The following PLEKHG1 variants were observed in gnomAD, a reference collection of about 807,000 sequenced individuals.
The protein encoded by PLEKHG1 is pleckstrin homology and RhoGEF domain containing G1, also known as pleckstrin homology domain-containing family G member 1.
PLEKHG1 carries 44 observed loss-of-function variants against 100.8 expected under a neutral mutation model. The observed-to-expected ratio is 0.44, with a 90% CI of 0.34 to 0.56. The LOEUF (loss-of-function observed/expected upper bound fraction) is 0.56. Among genes scored for constraint, PLEKHG1 ranks in the 20% least tolerant of loss-of-function variants. The probability of loss-of-function intolerance (pLI) is 0.01; values close to 1 mark genes in which losing one functional copy is unlikely to be tolerated. For synonymous variants in PLEKHG1, 640 were observed against 662.5 expected, an observed-to-expected ratio of 0.97 and a Z score of 0.52; for missense variants, 1,545 against 1,720.9, an observed-to-expected ratio of 0.90 and a Z score of 1.81.
chr6:150,757,705 C>T (rs774112601), intron 2 of PLEKHG1, among the ~76,000 whole-genome samples: 1 of 152,164 alleles, frequency 6.6e-6, no homozygotes, highest in Non-Finnish European at 1.5e-5. Context: ...TCTTCTTCTT[C>T]AACATTTAAG....
In PLEKHG1 at chr6:150,709,942, C is replaced by T. The variant is rs969659283; in HGVS notation, c.-98-23642C>T. ...CTGGGACCACAGGCACATGCCACTA[C>T]ACCCAGCTAATTTTTTTTATTTTTT... is the stretch of plus-strand genomic sequence containing the variant. On this transcript the variant is annotated intron_variant, in intron 3 of 3. Coordinates refer to the PLEKHG1 transcript ENST00000367326. Among the ~76,000 whole-genome samples, 18 of 149,216 alleles carry T rather than the reference C, an allele frequency of 1.2e-4. No homozygotes were observed. In the East Asian group the frequency reaches 1.7e-3, roughly 14 times the overall value.
At position 150,831,747 on chromosome 6, in the gene PLEKHG1, A is replaced by T; in HGVS notation, c.2636A>T (p.Glu879Val). 6.2e-7 allele frequency: 1 copy of T among 1,613,648 alleles called. No individual in the cohort carries two copies. Among genetic ancestry groups the T allele is most frequent in the Non-Finnish European group, 8.5e-7 (1 of 1,180,030 alleles). Reference sequence around the variant, plus strand: ...AGGCTGCACGCAGAGAGCACCCCTGAGCTGAGCCGGGACGTGGGGCGCTCT... The same window carrying T: ...AGGCTGCACGCAGAGAGCACCCCTGTGCTGAGCCGGGACGTGGGGCGCTCT... The change falls in exon 15 of 16, where the codon GAG becomes GTG. Residue 879 changes from glutamate (E) to valine (V), a missense_variant. By Grantham distance (121) the Glu-to-Val change is moderately radical (BLOSUM62 -2). Coordinates refer to ENST00000358517, the Ensembl canonical transcript of PLEKHG1. The surrounding 1 kb of genome is among the most constrained non-coding windows in gnomAD (Gnocchi z 4.1).
At chr6:150,621,272 A>G (rs1478079332) in intron 1 of PLEKHG1, among the ~76,000 whole-genome samples, 2 of 152,152 alleles carry the variant, frequency 1.3e-5, no homozygotes, top group Non-Finnish European at 2.9e-5. Flanking sequence ...TTGCTTTGCT[A>G]GGAGATAATA....
intron 1 of PLEKHG1, among the ~76,000 whole-genome samples, chr6:150,613,285 C>A (rs1258311502): frequency 1.3e-5 from 2 of 152,214 alleles, no homozygotes; most frequent in East Asian, 3.8e-4. Flanking sequence ...TTATAACATG[C>A]AAACGCCTGC....
intron 3 of PLEKHG1, among the ~76,000 whole-genome samples, chr6:150,769,034 G>A (rs1485720391): frequency 6.6e-6 from 1 of 152,090 alleles, no homozygotes; most frequent in African/African-American, 2.4e-5. Context: ...CCAAGAATAT[G>A]TACTTGCTTA....
At chr6:150,806,576 T>C (rs150254131) in intron 7 of PLEKHG1, among the ~76,000 whole-genome samples, 6,784 of 150,750 alleles carry the variant, frequency 0.045, 234 homozygotes, top group African/African-American at 0.096. Context: ...ATCCCAGCTG[T>C]TTGGGAGGCT....
intron 15 of PLEKHG1, among the ~76,000 whole-genome samples, chr6:150,836,700 A>G (rs1361948721): frequency 4.0e-5 from 6 of 151,768 alleles, no homozygotes; most frequent in Non-Finnish European, 8.8e-5. Flanking sequence ...GCTCATGCCT[A>G]TAGTCCCAGG....
intron 3 of PLEKHG1, among the ~76,000 whole-genome samples, chr6:150,776,254 A>G (rs1298834302): frequency 2.6e-5 from 4 of 152,292 alleles, no homozygotes; most frequent in Non-Finnish European, 5.9e-5. Flanking sequence ...AAAATACTCA[A>G]GGAAACGAGA....
intron 15 of PLEKHG1, among the ~76,000 whole-genome samples, chr6:150,837,238 CAT>C (rs1491289640): frequency 1.3e-5 from 2 of 149,990 alleles, no homozygotes; most frequent in African/African-American, 2.5e-5. Context: ...TGTGTGTCTG[CAT>C]GTGTGTGTGT....
chr6:150,793,534 G>T (rs1210294625), intron 4 of PLEKHG1, among the ~76,000 whole-genome samples: 2 of 152,154 alleles, frequency 1.3e-5, no homozygotes, highest in Non-Finnish European at 2.9e-5. Flanking sequence ...AAGGAATAAA[G>T]TATTAGAAAT....
intron 1 of PLEKHG1, among the ~76,000 whole-genome samples, chr6:150,623,642 C>G (rs952948256): frequency 1.3e-5 from 2 of 152,238 alleles, no homozygotes; most frequent in Admixed American, 6.5e-5. Flanking sequence ...TCAGGCCCCC[C>G]ACGTGTGCAC....
intron 10 of PLEKHG1, among the ~76,000 whole-genome samples, chr6:150,810,951 G>T (rs1787489665): frequency 6.6e-6 from 1 of 151,956 alleles, no homozygotes; most frequent in Non-Finnish European, 1.5e-5. Flanking sequence ...CACATGAATT[G>T]CAGGCTCTGT....
At chr6:150,708,920 G>A (rs1361779735) in intron 3 of PLEKHG1, among the ~76,000 whole-genome samples, 1 of 152,190 alleles carries the variant, frequency 6.6e-6, no homozygotes, top group Non-Finnish European at 1.5e-5. Context: ...TCAGTGAACA[G>A]GTAAAAAGCA....
At chr6:150,637,169 C>T (rs1231152257) in intron 1 of PLEKHG1, among the ~76,000 whole-genome samples, 1 of 152,120 alleles carries the variant, frequency 6.6e-6, no homozygotes, top group Non-Finnish European at 1.5e-5. Context: ...TTTGTTTTGT[C>T]TCTGAGTGGC....
Position 150,831,503 on chromosome 6 carries a change from C to T in PLEKHG1, c.2392C>T (p.Pro798Ser). ...CCTCCAGCTCAGTGAGGACGAAGCCCCTTACCATCAGGCCACTCCCGATCA... is the reference window on the plus strand; with the variant it reads ...CCTCCAGCTCAGTGAGGACGAAGCCTCTTACCATCAGGCCACTCCCGATCA... Residue 798 changes from proline (P) to serine (S), a missense_variant, in exon 15 of 16, where the codon CCT becomes TCT. By Grantham distance (74) the Pro-to-Ser change is moderately conservative. Coordinates refer to ENST00000358517, the Ensembl canonical transcript of PLEKHG1. The surrounding 1 kb of genome is among the most constrained non-coding windows in gnomAD (Gnocchi z 4.1). 6.2e-7 allele frequency: 1 copy of T among 1,614,114 alleles called. No individual in the cohort carries two copies. The highest frequency in any genetic ancestry group is 8.5e-7 in the Non-Finnish European group (1 of 1,179,990).
At chr6:150,770,326 C>G (rs1221845849) in intron 3 of PLEKHG1, among the ~76,000 whole-genome samples, 1 of 152,200 alleles carries the variant, frequency 6.6e-6, no homozygotes, top group Admixed American at 6.5e-5. Context: ...ACAAGCCTGA[C>G]CTCTGGGAGA....
At chr6:150,745,565 C>G (rs1414039867) in intron 2 of PLEKHG1, among the ~76,000 whole-genome samples, 1 of 151,988 alleles carries the variant, frequency 6.6e-6, no homozygotes, top group Non-Finnish European at 1.5e-5. Context: ...CACCTGTAAT[C>G]CCAGCTACTC....
At chr6:150,745,853 C>A (rs914536624) in intron 2 of PLEKHG1, among the ~76,000 whole-genome samples, 5 of 152,032 alleles carry the variant, frequency 3.3e-5, no homozygotes, top group African/African-American at 1.2e-4. Context: ...GGGAACTTCA[C>A]CTTGAAAAAG....
chr6:150,689,017 A>G (rs1780247315), intron 3 of PLEKHG1, among the ~76,000 whole-genome samples: 1 of 152,228 alleles, frequency 6.6e-6, no homozygotes, highest in Non-Finnish European at 1.5e-5. Context: ...TTCTGTAACC[A>G]TTAAGCAGTA....
Sources: allele counts gnomAD v4.1 joint callset (sites outside exome capture counted in the v4.1 genomes callset), GRCh38; gene constraint gnomAD v4.1.1; non-coding constraint Gnocchi (gnomAD v3.1); transcripts MANE v1.5; gene names NCBI Gene and HGNC (gene_info 2026-07-23, HGNC 2026-07-21).